Variants in PID1 observed in about 807,000 individuals in gnomAD.
PID1 encodes the protein PTB-containing, cubilin and LRP1-interacting protein.
In PID1, 10 loss-of-function variants were observed where a neutral mutation model predicts 19.1. That is an observed-to-expected ratio of 0.52 (90% confidence interval 0.32 to 0.89). The LOEUF (loss-of-function observed/expected upper bound fraction) is 0.89, where lower values mean the gene tolerates loss of function less well. Among genes scored for constraint, PID1 ranks in the 40% least tolerant of loss-of-function variants. PID1 has a pLI of 0.03. For synonymous variants in PID1, 130 were observed against 116.0 expected (o/e 1.12, Z -0.78); for missense variants, 248 against 285.3 (o/e 0.87, Z 0.94).
At chr2:229,257,242 A>C (rs985983925) in intron 1 of PID1, among the ~76,000 whole-genome samples, 1 of 152,226 alleles carries the variant, frequency 6.6e-6, no homozygotes, top group Non-Finnish European at 1.5e-5. Context: ...ATAATGTATT[A>C]GTATCCAACC....
chr2:229,056,588 C>T (rs1254793313), intron 2 of PID1, among the ~76,000 whole-genome samples: 3 of 149,844 alleles, frequency 2.0e-5, no homozygotes, highest in South Asian at 2.1e-4. Flanking sequence ...TTGACTACAG[C>T]CCAGAATATA....
chr2:229,093,085 A>G (rs1694905529), intron 2 of PID1, among the ~76,000 whole-genome samples: 1 of 147,638 alleles, frequency 6.8e-6, no homozygotes, highest in South Asian at 2.2e-4. Flanking sequence ...TCCTTTCTAA[A>G]TCCTGTTTCT....
intron 2 of PID1, among the ~76,000 whole-genome samples, chr2:229,047,039 T>A (rs1416095325): frequency 6.6e-6 from 1 of 152,172 alleles, no homozygotes; most frequent in Non-Finnish European, 1.5e-5. Context: ...TCAGGGTGTT[T>A]CCAAGGAAAT....
chr2:229,189,861 T>C (rs1009030035), intron 1 of PID1, among the ~76,000 whole-genome samples: 4 of 152,200 alleles, frequency 2.6e-5, no homozygotes, highest in African/African-American at 7.2e-5. Context: ...CATGAGATGA[T>C]TTAATCTAGC....
At chr2:229,139,061 A>AAGAAAGAAAGAAAG (rs1689937167) in intron 2 of PID1, among the ~76,000 whole-genome samples, 1 of 41,866 alleles carries the variant, frequency 2.4e-5, no homozygotes, top group Non-Finnish European at 4.5e-5. Context: ...AAGAAAGAGA[A>AAGAAAGAAAGAAAG]AGAAAGAAAG....
chr2:229,091,806 T>C (rs1299174132), intron 2 of PID1, among the ~76,000 whole-genome samples: 1 of 152,228 alleles, frequency 6.6e-6, no homozygotes, highest in East Asian at 1.9e-4. Flanking sequence ...TCAGCCCTGA[T>C]AGTCACAGTC....
chr2:229,187,004 G>A (rs1691146600), intron 1 of PID1, among the ~76,000 whole-genome samples: 1 of 152,102 alleles, frequency 6.6e-6, no homozygotes, highest in South Asian at 2.1e-4. Flanking sequence ...TCTAGGGCAG[G>A]GGCAAAATGC....
At chr2:229,123,735 T>G (rs1484203672) in intron 2 of PID1, among the ~76,000 whole-genome samples, 1 of 152,228 alleles carries the variant, frequency 6.6e-6, no homozygotes, top group Non-Finnish European at 1.5e-5. Context: ...TACCTCATGG[T>G]AGTTTTGATT....
At chr2:229,077,517 G>C (rs1694582800) in intron 2 of PID1, among the ~76,000 whole-genome samples, 1 of 152,116 alleles carries the variant, frequency 6.6e-6, no homozygotes, top group Non-Finnish European at 1.5e-5. Flanking sequence ...TATGGTTTTA[G>C]GTCTTACATT....
chr2:229,238,295 G>C (rs1000343576), intron 1 of PID1, among the ~76,000 whole-genome samples: 3 of 152,088 alleles, frequency 2.0e-5, no homozygotes, highest in African/African-American at 7.2e-5. Flanking sequence ...AGCATGAATT[G>C]CTCTCAAAAT....
rs1318521948 is a variant in PID1 at position 229,194,915 on chromosome 2, T to A, written c.31-38951A>T. Among the ~76,000 whole-genome samples, 3 of 29,946 alleles carry A rather than the reference T, an allele frequency of 1.0e-4. No individual in the cohort carries two copies. In the East Asian group the frequency reaches 3.2e-3, roughly 31 times the overall value. 19.6% of individuals were successfully genotyped at this position (29,946 alleles called of 152,430 possible). A position where few individuals can be genotyped will look rare whatever the true frequency, so the allele number is the denominator to read the frequency against. On this transcript the variant is annotated intron_variant, in intron 1 of 2. Coordinates refer to ENST00000392055, the MANE Select transcript of PID1 (RefSeq NM_001100818.2). ...AAAAAGCTCAAAATAACAATGCCAATCTCATTGCTATAAAAAAATTACTGT... is the reference window on the plus strand; with the variant it reads ...AAAAAGCTCAAAATAACAATGCCAAACTCATTGCTATAAAAAAATTACTGT...
intron 2 of PID1, among the ~76,000 whole-genome samples, chr2:229,134,231 G>GTTTTTTTTTTTTTTTTTTTTTTTT (rs60513006): frequency 1.7e-4 from 19 of 109,216 alleles, no homozygotes; most frequent in East Asian, 9.3e-4. Context: ...TACTACCTGT[G>GTTTTTTTTTTTTTTTTTTTTTTTT]TTTTTTTTTT....
At position 229,223,280 on chromosome 2, in the gene PID1, C is replaced by T; in HGVS notation, c.30+47734G>A. 1.3e-5 allele frequency among the ~76,000 whole-genome samples: 2 copies of T among 152,166 alleles called. 1 individual carries two copies. Among genetic ancestry groups the T allele is most frequent in the Non-Finnish European group, 2.9e-5 (2 of 68,038 alleles). The stretch of plus-strand genomic sequence containing the variant: ...CCATTTGAAATATGCAAAATGCTAT[C>T]TCATCATTATTTTAATCTGCATTTC... On this transcript the variant is annotated intron_variant, in intron 1 of 2. Coordinates refer to ENST00000392055, the MANE Select transcript of PID1 (RefSeq NM_001100818.2).
At position 229,271,082 on chromosome 2, in the gene PID1, G is replaced by T; in HGVS notation, c.-39C>A. The T allele has an allele frequency of 6.5e-7, 1 of 1,538,392 alleles. No individual in the cohort carries two copies. Among genetic ancestry groups the T allele is most frequent in the South Asian group, 1.2e-5 (1 of 83,070 alleles). The stretch of plus-strand genomic sequence containing the variant: ...GTTTTGGCAGAGGAGACGCTGGCGA[G>T]ACTGTCGATCGCGCCGGGGGGCGAG... On this transcript the variant is annotated 5_prime_UTR_variant, in exon 1 of 3. Coordinates refer to ENST00000392055, the MANE Select transcript of PID1 (RefSeq NM_001100818.2).
At chr2:229,258,857 G>A (rs1449997679) in intron 1 of PID1, among the ~76,000 whole-genome samples, 11 of 65,440 alleles carry the variant, frequency 1.7e-4, no homozygotes, top group African/African-American at 4.1e-4. Flanking sequence ...GCGAGACTCC[G>A]TCTCAAAAAA....
chr2:229,185,237 T>G (rs1385120298), intron 1 of PID1, among the ~76,000 whole-genome samples: 1 of 151,824 alleles, frequency 6.6e-6, no homozygotes, highest in Non-Finnish European at 1.5e-5. Flanking sequence ...AAAACACTTA[T>G]GCACACAGAA....
intron 1 of PID1, among the ~76,000 whole-genome samples, chr2:229,178,073 C>T (rs1400648593): frequency 6.6e-6 from 1 of 152,190 alleles, no homozygotes; most frequent in Non-Finnish European, 1.5e-5. Flanking sequence ...GCAGTTTTTA[C>T]TCCCTTCTCT....
chr2:229,088,971 A>T (rs527667413), intron 2 of PID1, among the ~76,000 whole-genome samples: 38 of 152,226 alleles, frequency 2.5e-4, no homozygotes, highest in African/African-American at 8.4e-4. Context: ...GATTTCCATA[A>T]TTTTCTCAGG....
intron 1 of PID1, among the ~76,000 whole-genome samples, chr2:229,246,044 TTC>T (rs1043125697): frequency 1.3e-5 from 2 of 152,208 alleles, no homozygotes; most frequent in Admixed American, 1.3e-4. Flanking sequence ...GAGTTATTTC[TTC>T]TCTTTTCTGT....
Sources: gnomAD v4.1 joint callset for allele counts (sites outside exome capture counted in the v4.1 genomes callset) on GRCh38, gnomAD v4.1.1 for gene constraint, MANE v1.5 for transcripts, NCBI Gene and HGNC (gene_info 2026-07-23, HGNC 2026-07-21) for gene names.